The following ZDHHC3 variants were observed in gnomAD, a reference collection of about 807,000 sequenced individuals.
ZDHHC3 encodes the protein palmitoyltransferase ZDHHC3.
A neutral mutation model predicts 30.6 loss-of-function variants in ZDHHC3; 9 were observed. The ratio of observed to expected loss-of-function variants is 0.29; its 90% confidence interval spans 0.18 to 0.51. The LOEUF is 0.51. Among genes scored for constraint, ZDHHC3 ranks in the 20% least tolerant of loss-of-function variants. The probability of loss-of-function intolerance (pLI) is 0.97; values close to 1 mark genes in which losing one functional copy is unlikely to be tolerated. For synonymous variants in ZDHHC3, 136 were observed against 140.2 expected (o/e 0.97, Z 0.21); for missense variants, 246 against 384.2 (o/e 0.64, Z 3.01).
intron 1 of ZDHHC3, among the ~76,000 whole-genome samples, chr3:44,966,651 A>G (rs1704977115): frequency 6.6e-6 from 1 of 152,204 alleles, no homozygotes; most frequent in Non-Finnish European, 1.5e-5. Context: ...AAGATCAAAT[A>G]GATGATCTTT....
rs753670034 is a variant in ZDHHC3 at position 44,926,658 on chromosome 3, G to C, written c.*31C>G. 6.4e-7 allele frequency: 1 copy of C among 1,560,594 alleles called. No individual in the cohort carries two copies. Among genetic ancestry groups the C allele is most frequent in the Non-Finnish European group, 8.6e-7 (1 of 1,156,470 alleles). ...GACGGTAGTGCTGTGGTGTGGACTT[G>C]TGTCTGAGTGGCCATGCCGGTCGGG... On this transcript the variant is annotated 3_prime_UTR_variant, in exon 7 of 7. Coordinates refer to ENST00000424952, the MANE Select transcript of ZDHHC3 (RefSeq NM_001135179.2).
chr3:44,920,104 T>G lies in ZDHHC3; in HGVS notation c.*6585A>C, dbSNP rs181221244. The G allele has an allele frequency of 4.0e-4, 490 of 1,215,826 alleles. 2 individuals carry two copies. In the African/African-American group the frequency reaches 6.1e-3, roughly 15 times the overall value. The allele number at this position is 1,215,826 out of a possible 1,614,324, so 75.3% of individuals were successfully genotyped here. A position where few individuals can be genotyped will look rare whatever the true frequency, so the allele number is the denominator to read the frequency against. ...TGTAGACTTCTCACACAATCCAAGT[T>G]TTACCAATGAGCCAATGTTACTTTT... is the stretch of plus-strand genomic sequence containing the variant. On this transcript the variant is annotated 3_prime_UTR_variant, in exon 7 of 7. Coordinates refer to ENST00000424952, the MANE Select transcript of ZDHHC3 (RefSeq NM_001135179.2).
At chr3:44,937,980 G>A (rs1489146542) in intron 3 of ZDHHC3, 17 of 432,904 alleles carry the variant, frequency 3.9e-5, no homozygotes, top group Admixed American at 2.6e-4. Context: ...TAAACACAGC[G>A]GAAATACCAC....
In ZDHHC3 at chr3:44,916,665, G is replaced by A. The variant is rs778857120; in HGVS notation, c.*10024C>T. ...GGTGAATCCACTTCTTATACCAAAC[G>A]GGGATAAGAACCCTTCTGTTGGGCT... On this transcript the variant is annotated 3_prime_UTR_variant, in exon 7 of 7. Transcript: ENST00000424952. 1 of 152,224 alleles carries A rather than the reference G, an allele frequency of 6.6e-6. No individual in the cohort carries two copies. Among genetic ancestry groups the A allele is most frequent in the Non-Finnish European group, 1.5e-5 (1 of 68,066 alleles). 9.4% of individuals were successfully genotyped at this position (152,224 alleles called of 1,614,324 possible). A position where few individuals can be genotyped will look rare whatever the true frequency, so the allele number is the denominator to read the frequency against.
intron 3 of ZDHHC3, among the ~76,000 whole-genome samples, chr3:44,936,285 G>A (rs1386008762): frequency 6.6e-6 from 1 of 152,118 alleles, no homozygotes; most frequent in East Asian, 1.9e-4. Context: ...TCAGAGAAGT[G>A]CAAATCAAAA....
At position 44,922,426 on chromosome 3, in the gene ZDHHC3, G is replaced by A. The variant is rs919350606; in HGVS notation, c.*4263C>T. 1.0e-6 allele frequency: 1 copy of A among 985,414 alleles called. No homozygotes were observed. Among genetic ancestry groups the A allele is most frequent in the Non-Finnish European group, 1.2e-6 (1 of 829,944 alleles). 61.0% of individuals were successfully genotyped at this position (985,414 alleles called of 1,614,324 possible). A position where few individuals can be genotyped will look rare whatever the true frequency, so the allele number is the denominator to read the frequency against. On this transcript the variant is annotated 3_prime_UTR_variant, in exon 7 of 7. Transcript: ENST00000424952. Reference sequence around the variant, plus strand: ...CTGATGAGATGCACAAGGAGTGGTGGGCAGGCTAATAATTTGGATCTGCTT... The same window carrying A: ...CTGATGAGATGCACAAGGAGTGGTGAGCAGGCTAATAATTTGGATCTGCTT...
At chr3:44,944,120 A>T (rs1702687792) in intron 3 of ZDHHC3, among the ~76,000 whole-genome samples, 1 of 151,944 alleles carries the variant, frequency 6.6e-6, no homozygotes, top group Non-Finnish European at 1.5e-5. Flanking sequence ...GGGGCTGCAG[A>T]TGTGTGCCAC....
In ZDHHC3 at chr3:44,959,562, C is replaced by T. The variant is rs1235347880; in HGVS notation, c.-24-102G>A. On this transcript the variant is annotated intron_variant, in intron 1 of 6. Coordinates refer to ENST00000424952, the MANE Select transcript of ZDHHC3 (RefSeq NM_001135179.2). This position sits in a 1 kb window ranked among gnomAD's most constrained non-coding sequence, Gnocchi z 4.3. ...GTGAGTTGTGATTACTTATCTGCAA[C>T]CCCTGTGTGCAAAGCCACCTAATCA... The T allele has an allele frequency of 8.4e-6, 8 of 947,334 alleles. No individual in the cohort carries two copies. In the East Asian group the frequency reaches 1.5e-4, roughly 18 times the overall value. The allele number at this position is 947,334 out of a possible 1,614,324, so 58.7% of individuals were successfully genotyped here.
rs1700507985 is a variant in ZDHHC3 at position 44,920,343 on chromosome 3, G to GA, written c.*6345dup. ...CCTGGGTGATCATCTGCAGCCTGTT[G>GA]AGAAAGAGGCTTTAACTTCATAGCA... On this transcript the variant is annotated 3_prime_UTR_variant, in exon 7 of 7. Transcript: ENST00000424952. The GA allele has an allele frequency of 7.8e-7, 1 of 1,289,594 alleles. No homozygotes were observed. Among genetic ancestry groups the GA allele is most frequent in the African/African-American group, 1.5e-5 (1 of 65,870 alleles). 79.9% of individuals were successfully genotyped at this position (1,289,594 alleles called of 1,614,324 possible). A position where few individuals can be genotyped will look rare whatever the true frequency, so the allele number is the denominator to read the frequency against.
At chr3:44,954,178 G>A (rs1703720417) in intron 2 of ZDHHC3, among the ~76,000 whole-genome samples, 1 of 151,982 alleles carries the variant, frequency 6.6e-6, no homozygotes, top group Non-Finnish European at 1.5e-5. Context: ...TTACAGCAAG[G>A]TGTTCACAGA....
chr3:44,927,646 G>A lies in ZDHHC3; in HGVS notation c.742-799C>T, dbSNP rs560272113. Among the ~76,000 whole-genome samples, 11 of 152,378 alleles carry A rather than the reference G, an allele frequency of 7.2e-5. No individual in the cohort carries two copies. In the South Asian group the frequency reaches 2.1e-3, roughly 29 times the overall value. On this transcript the variant is annotated intron_variant, in intron 6 of 6. Coordinates refer to ENST00000424952, the MANE Select transcript of ZDHHC3 (RefSeq NM_001135179.2). The stretch of plus-strand genomic sequence containing the variant: ...CAGCAGCTGTCACGGAGCCAGCGCT[G>A]CTTCCCCTGCTAAGTCTCAGGAAAA...
intron 2 of ZDHHC3, among the ~76,000 whole-genome samples, chr3:44,946,458 C>G (rs780327200): frequency 1.2e-4 from 18 of 152,192 alleles, no homozygotes; most frequent in Non-Finnish European, 2.2e-4. Flanking sequence ...CTCATGCTCA[C>G]TGCTATGGAC....
Position 44,918,793 on chromosome 3 carries a change from C to T in ZDHHC3, c.*7896G>A. The stretch of plus-strand genomic sequence containing the variant: ...AGCCTCTTCCAAGCTGTCAACTCAC[C>T]TGCCTCTGGGTGTCGGCTGCAACTC... On this transcript the variant is annotated 3_prime_UTR_variant, in exon 7 of 7. Coordinates refer to ENST00000424952, the MANE Select transcript of ZDHHC3 (RefSeq NM_001135179.2). 1 of 987,224 alleles carries T rather than the reference C, an allele frequency of 1.0e-6. No homozygotes were observed. The highest frequency in any genetic ancestry group is 1.2e-6 in the Non-Finnish European group (1 of 831,176). The allele number at this position is 987,224 out of a possible 1,614,324, so 61.2% of individuals were successfully genotyped here.
intron 1 of ZDHHC3, among the ~76,000 whole-genome samples, chr3:44,971,452 G>C (rs768410327): frequency 6.6e-6 from 1 of 152,220 alleles, no homozygotes; most frequent in Non-Finnish European, 1.5e-5. Context: ...ATCTGCTTCC[G>C]AGGAGGAAAG....
chr3:44,953,401 T>A (rs1703645330), intron 2 of ZDHHC3, among the ~76,000 whole-genome samples: 1 of 152,194 alleles, frequency 6.6e-6, no homozygotes, highest in Non-Finnish European at 1.5e-5. Flanking sequence ...CCTAGGATAC[T>A]AAGGCTGTTT....
chr3:44,942,742 A>G (rs1702548853), intron 3 of ZDHHC3, among the ~76,000 whole-genome samples: 1 of 152,226 alleles, frequency 6.6e-6, no homozygotes, highest in African/African-American at 2.4e-5. Context: ...CAAACTACAA[A>G]GAAACAACCC....
chr3:44,946,948 T>C (rs988394628), intron 2 of ZDHHC3, among the ~76,000 whole-genome samples: 2 of 152,204 alleles, frequency 1.3e-5, no homozygotes, highest in Non-Finnish European at 2.9e-5. Context: ...GCCTGTGTTA[T>C]GTGGATCATA....
chr3:44,920,457 C>T lies in ZDHHC3; in HGVS notation c.*6232G>A. 1.6e-6 allele frequency: 2 copies of T among 1,233,264 alleles called. No homozygotes were observed. Among genetic ancestry groups the T allele is most frequent in the Non-Finnish European group, 2.1e-6 (2 of 956,364 alleles). The allele number at this position is 1,233,264 out of a possible 1,614,324, so 76.4% of individuals were successfully genotyped here. On this transcript the variant is annotated 3_prime_UTR_variant, in exon 7 of 7. Coordinates refer to ENST00000424952, the MANE Select transcript of ZDHHC3 (RefSeq NM_001135179.2). ...CTGGCTGCATCCACACTGACTTGGA[C>T]TCAAAGCCATGACCATAGGTTTTTA...
In ZDHHC3 at chr3:44,921,802, A is replaced by G. The variant is rs985826792; in HGVS notation, c.*4887T>C. ...AAGTAGCCAAGCAGACATTTCAACC[A>G]AAGACTGAAGCCAGGACCCAAATAC... On this transcript the variant is annotated 3_prime_UTR_variant, in exon 7 of 7. Coordinates refer to ENST00000424952, the MANE Select transcript of ZDHHC3 (RefSeq NM_001135179.2). The G allele has an allele frequency of 2.6e-5, 26 of 985,016 alleles. No homozygotes were observed. The highest frequency in any genetic ancestry group is 2.4e-5 in the Non-Finnish European group (20 of 829,668). The allele number at this position is 985,016 out of a possible 1,614,324, so 61.0% of individuals were successfully genotyped here. A position where few individuals can be genotyped will look rare whatever the true frequency, so the allele number is the denominator to read the frequency against.
Sources: allele counts gnomAD v4.1 joint callset (sites outside exome capture counted in the v4.1 genomes callset), GRCh38; gene constraint gnomAD v4.1.1; non-coding constraint Gnocchi (gnomAD v3.1); transcripts MANE v1.5; gene names NCBI Gene and HGNC (gene_info 2026-07-23, HGNC 2026-07-21).